MBNL1: variants seen among roughly 807,000 people sequenced by gnomAD.
The protein encoded by MBNL1 is muscleblind-like protein 1.
MBNL1 carries 8 observed loss-of-function variants against 42.2 expected under a neutral mutation model. The observed-to-expected ratio is 0.19, with a 90% CI of 0.11 to 0.34. The LOEUF (loss-of-function observed/expected upper bound fraction) is 0.34, where lower values mean the gene tolerates loss of function less well. Ranked by LOEUF, MBNL1 falls within the 10% of genes least tolerant of loss-of-function variation. The pLI is 1.00. For missense variants in MBNL1, 309 were observed against 495.3 expected (o/e 0.62, Z 3.57); for synonymous variants, 169 against 173.9 (o/e 0.97, Z 0.22).
chr3:152,295,854 A>G (rs1191094394), intron 1 of MBNL1, among the ~76,000 whole-genome samples: 1 of 152,198 alleles, frequency 6.6e-6, no homozygotes, highest in African/African-American at 2.4e-5. Context: ...ACCCTCAGCA[A>G]CTCCTCTCCA....
intron 2 of MBNL1, among the ~76,000 whole-genome samples, chr3:152,252,346 C>T (rs1360046957): frequency 6.9e-6 from 1 of 144,774 alleles, no homozygotes; most frequent in East Asian, 2.3e-4. Context: ...TCACAACACT[C>T]CTTTTACATA....
rs550588788 is a variant in MBNL1, at chr3:152,288,023, A to G, written c.-789-11382A>G. On this transcript the variant is annotated intron_variant, in intron 1 of 9. Coordinates refer to ENST00000324210, the MANE Select transcript of MBNL1 (RefSeq NM_021038.5). ...GAAAGTACAAATTTGTAATAATACA[A>G]TTTTTGATCTCGTCTCCCAAGAAGC... 2.6e-4 allele frequency among the ~76,000 whole-genome samples: 39 copies of G among 152,304 alleles called. 1 individual carries two copies. The highest frequency in any genetic ancestry group is 8.7e-4 in the African/African-American group (36 of 41,574).
At chr3:152,348,846 T>C (rs939698131) in intron 2 of MBNL1, among the ~76,000 whole-genome samples, 1 of 152,038 alleles carries the variant, frequency 6.6e-6, no homozygotes, top group East Asian at 1.9e-4. Context: ...ATATCCAAAG[T>C]GTATTGAATG....
At chr3:152,353,671 CTTTTTTTT>C (rs34931833) in intron 2 of MBNL1, among the ~76,000 whole-genome samples, 2 of 116,462 alleles carry the variant, frequency 1.7e-5, no homozygotes, top group South Asian at 5.8e-4. Flanking sequence ...TCAACAAATC[CTTTTTTTT>C]TTTTTTTTTT....
chr3:152,353,565 C>T (rs544819429), intron 2 of MBNL1, among the ~76,000 whole-genome samples: 7 of 151,854 alleles, frequency 4.6e-5, no homozygotes, highest in African/African-American at 1.7e-4. Flanking sequence ...GAGGTAGATA[C>T]CACTGGGTAA....
At chr3:152,447,477 C>G in intron 5 of MBNL1, 143 bp from the exon 6 acceptor site, 4 of 246,174 alleles carry the variant, frequency 1.6e-5, no homozygotes, top group East Asian at 8.3e-5. Context: ...ATTTTTTGTT[C>G]ATTGGATTTT....
intron 4 of MBNL1, among the ~76,000 whole-genome samples, chr3:152,433,749 C>CAAA (rs35614565): frequency 2.7e-4 from 25 of 91,370 alleles, no homozygotes; most frequent in African/African-American, 5.8e-4. Flanking sequence ...GACTCCGTCT[C>CAAA]AAAAAAAAAA....
rs187012384 is a variant in MBNL1, at chr3:152,366,847, A to T, written c.175-48094A>T. Among the ~76,000 whole-genome samples, 267 of 152,260 alleles carry T rather than the reference A, an allele frequency of 1.8e-3. 2 individuals are homozygous for T. The highest frequency in any genetic ancestry group is 6.0e-3 in the African/African-American group (249 of 41,546). ...GTGAATAAAGACAAATTTTCTTTAGATATCATCTCATTTATTTTCCCTTAA... is the reference window on the plus strand; with the variant it reads ...GTGAATAAAGACAAATTTTCTTTAGTTATCATCTCATTTATTTTCCCTTAA... On this transcript the variant is annotated intron_variant, in intron 2 of 9. Coordinates refer to ENST00000324210, the MANE Select transcript of MBNL1 (RefSeq NM_021038.5).
rs1171679427 is a variant in MBNL1, at chr3:152,286,580, AT to A, written c.-789-12822del. Among the ~76,000 whole-genome samples, 17 of 143,980 alleles carry A rather than the reference AT, an allele frequency of 1.2e-4. No homozygotes were observed. The South Asian group carries it at 3.2e-3, about 27-fold the overall frequency. 94.5% of individuals were successfully genotyped at this position (143,980 alleles called of 152,430 possible). ...TTTATATTTTATTTATAATATAAAT[AT>A]TTAATTATATTTTATAGGTTGAATA... On this transcript the variant is annotated intron_variant, in intron 1 of 9. Coordinates refer to ENST00000324210, the MANE Select transcript of MBNL1 (RefSeq NM_021038.5).
At chr3:152,323,660 T>C (rs1255244701) in intron 2 of MBNL1, among the ~76,000 whole-genome samples, 5 of 152,172 alleles carry the variant, frequency 3.3e-5, no homozygotes, top group Non-Finnish European at 7.4e-5. Context: ...TATTGAATAC[T>C]GTAGGCAGTT....
intron 4 of MBNL1, among the ~76,000 whole-genome samples, chr3:152,436,641 A>G (rs1468430166): frequency 6.6e-6 from 1 of 152,238 alleles, no homozygotes; most frequent in African/African-American, 2.4e-5. Flanking sequence ...AATAGATGAT[A>G]TTCAAAAAGC....
chr3:152,332,817 G>T (rs991156261), intron 2 of MBNL1, among the ~76,000 whole-genome samples: 1 of 151,978 alleles, frequency 6.6e-6, no homozygotes, highest in African/African-American at 2.4e-5. Flanking sequence ...AATTAGTCCA[G>T]AGAGTTAGAC....
chr3:152,348,468 C>T (rs936167901), intron 2 of MBNL1, among the ~76,000 whole-genome samples: 2 of 151,868 alleles, frequency 1.3e-5, no homozygotes, highest in Non-Finnish European at 2.9e-5. Context: ...CTTAAAGAAC[C>T]CTGGTGAAAT....
At chr3:152,277,062 C>A (rs1329161541) in intron 1 of MBNL1, among the ~76,000 whole-genome samples, 1 of 152,032 alleles carries the variant, frequency 6.6e-6, no homozygotes, top group African/African-American at 2.4e-5. Flanking sequence ...TTTAATCAAT[C>A]AAAAATTCCT....
chr3:152,323,060 T>G (rs1169303994), intron 2 of MBNL1, among the ~76,000 whole-genome samples: 1 of 152,178 alleles, frequency 6.6e-6, no homozygotes, highest in Non-Finnish European at 1.5e-5. Flanking sequence ...GTTTGCTAAC[T>G]GCCTAAGTAA....
chr3:152,295,324 C>A (rs577651124), intron 1 of MBNL1, among the ~76,000 whole-genome samples: 1 of 152,102 alleles, frequency 6.6e-6, no homozygotes, highest in African/African-American at 2.4e-5. Flanking sequence ...GAAAAATAAT[C>A]AACTCTAGAA....
intron 2 of MBNL1, among the ~76,000 whole-genome samples, chr3:152,366,654 A>G (rs1479450920): frequency 3.3e-5 from 5 of 152,216 alleles, no homozygotes; most frequent in East Asian, 1.9e-4. Flanking sequence ...AGGATAAATT[A>G]TAACAGGTGT....
intron 2 of MBNL1, chr3:152,339,926 T>A (rs1578244303): frequency 1.3e-5 from 2 of 152,298 alleles, no homozygotes; most frequent in Middle Eastern, 3.4e-3. Flanking sequence ...CTTTCGTGTT[T>A]TTCTTCTGAG....
intron 2 of MBNL1, among the ~76,000 whole-genome samples, chr3:152,399,801 C>A (rs554763922): frequency 6.6e-6 from 1 of 152,268 alleles, no homozygotes; most frequent in South Asian, 2.1e-4. Context: ...CTGCACCCAC[C>A]CATTCTTATT....
Sources: allele counts gnomAD v4.1 joint callset (sites outside exome capture counted in the v4.1 genomes callset), GRCh38; gene constraint gnomAD v4.1.1; transcripts MANE v1.5; gene names NCBI Gene and HGNC (gene_info 2026-07-23, HGNC 2026-07-21).